The following CDH18 variants were observed in gnomAD, a reference collection of about 807,000 sequenced individuals.
The protein encoded by CDH18 is cadherin 18.
A neutral mutation model predicts 67.9 loss-of-function variants in CDH18; 31 were observed. The ratio of observed to expected loss-of-function variants is 0.46; its 90% confidence interval spans 0.34 to 0.62. The LOEUF (loss-of-function observed/expected upper bound fraction) is 0.62. Among genes scored for constraint, CDH18 ranks in the 20% least tolerant of loss-of-function variants. The pLI, the probability that CDH18 is intolerant of heterozygous loss-of-function variation, is 0.01. For synonymous variants in CDH18, 362 were observed against 347.2 expected, an observed-to-expected ratio of 1.04 and a Z score of -0.48; for missense variants, 890 against 975.5, an observed-to-expected ratio of 0.91 and a Z score of 1.17.
At chr5:19,909,537 G>GATCC (rs1790903285) in intron 2 of CDH18, among the ~76,000 whole-genome samples, 1 of 151,920 alleles carries the variant, frequency 6.6e-6, no homozygotes, top group Non-Finnish European at 1.5e-5. Context: ...GACCTCAGGT[G>GATCC]ATCCACCCTT....
chr5:19,792,324 G>C (rs1293930450), intron 3 of CDH18, among the ~76,000 whole-genome samples: 6 of 152,130 alleles, frequency 3.9e-5, no homozygotes, highest in Admixed American at 3.9e-4. Context: ...GCTCCTGGTT[G>C]TTGAGCCTTC....
chr5:20,260,175 C>T lies in CDH18; in HGVS notation c.-579-4670G>A, dbSNP rs374553957. ...TCCAACATTTCAGAAGTGTAAGGTA[C>T]TAGTTATTGCTGTCCCCAACACTTC... On this transcript the variant is annotated intron_variant, in intron 1 of 14. Transcript: ENST00000507958. Among the ~76,000 whole-genome samples, 4 of 151,488 alleles carry T rather than the reference C, an allele frequency of 2.6e-5. No homozygotes were observed. In the East Asian group the frequency reaches 6.1e-4, roughly 23 times the overall value.
At chr5:20,373,393 C>T (rs540158939) in intron 1 of CDH18, among the ~76,000 whole-genome samples, 133 of 152,224 alleles carry the variant, frequency 8.7e-4, no homozygotes, top group African/African-American at 3.0e-3. Context: ...AATTCCCAGA[C>T]CCCAGCTCTC....
At chr5:19,541,988 T>C (rs906465806) in intron 9 of CDH18, among the ~76,000 whole-genome samples, 2 of 152,206 alleles carry the variant, frequency 1.3e-5, no homozygotes, top group South Asian at 2.1e-4. Flanking sequence ...ATTTTGAAGA[T>C]GAAAATAACC....
chr5:19,771,118 G>A (rs1773678483), intron 3 of CDH18, among the ~76,000 whole-genome samples: 1 of 152,170 alleles, frequency 6.6e-6, no homozygotes, highest in Admixed American at 6.5e-5. Context: ...ATGAATCACT[G>A]AGGTGTCAGA....
At position 19,983,469 on chromosome 5, in the gene CDH18, T is replaced by G. The variant is rs552675658; in HGVS notation, c.-375-2291A>C. Among the ~76,000 whole-genome samples, 3 of 152,296 alleles carry G rather than the reference T, an allele frequency of 2.0e-5. No homozygotes were observed. In the East Asian group the frequency reaches 5.8e-4, roughly 29 times the overall value. ...TTCATCTATCATATTCCATGTGTTT[T>G]GAGTAAAATCTTGAATAAGACATAG... On this transcript the variant is annotated intron_variant, in intron 1 of 12. Coordinates refer to ENST00000382275, the MANE Select transcript of CDH18 (RefSeq NM_004934.5).
At chr5:20,391,956 A>C (rs1268914675) in intron 1 of CDH18, among the ~76,000 whole-genome samples, 2 of 151,990 alleles carry the variant, frequency 1.3e-5, no homozygotes, top group Non-Finnish European at 2.9e-5. Flanking sequence ...ATAAACAGCC[A>C]AAATATACTT....
At chr5:20,414,910 C>G (rs1747158826) in intron 1 of CDH18, among the ~76,000 whole-genome samples, 1 of 152,072 alleles carries the variant, frequency 6.6e-6, no homozygotes, top group Admixed American at 6.6e-5. Flanking sequence ...GGTGTAGCCA[C>G]AATGGAAAAC....
intron 2 of CDH18, among the ~76,000 whole-genome samples, chr5:20,056,684 T>TTTTC (rs1742009576): frequency 7.6e-6 from 1 of 131,234 alleles, no homozygotes; most frequent in Non-Finnish European, 1.6e-5. Context: ...TATTCTCTTT[T>TTTTC]TTTTTTTTTT....
intron 6 of CDH18, among the ~76,000 whole-genome samples, chr5:19,608,283 G>A (rs1316792122): frequency 2.0e-5 from 3 of 151,606 alleles, no homozygotes; most frequent in South Asian, 2.1e-4. Flanking sequence ...CAAAATATAT[G>A]CCTACAACTA....
In CDH18 at chr5:19,525,484, G is replaced by A. The variant is rs147272195; in HGVS notation, c.1391-4706C>T. On this transcript the variant is annotated intron_variant, in intron 9 of 12. Transcript: ENST00000382275. ...TTTAATCTTACCTTATTGAGCATGTGACTCATGATACTGCCTGCCCTGTCA... is the reference window on the plus strand; with the variant it reads ...TTTAATCTTACCTTATTGAGCATGTAACTCATGATACTGCCTGCCCTGTCA... Among the ~76,000 whole-genome samples the A allele has an allele frequency of 3.5e-3, 531 of 152,298 alleles. 12 individuals are homozygous for A. The highest frequency in any genetic ancestry group is 5.6e-4 in the Non-Finnish European group (38 of 68,026).
chr5:19,545,258 A>G (rs1736112288), intron 8 of CDH18, among the ~76,000 whole-genome samples: 3 of 152,174 alleles, frequency 2.0e-5, no homozygotes, highest in Admixed American at 2.0e-4. Context: ...AACAGAGAAA[A>G]CCAAGATGCA....
At chr5:20,311,435 G>T (rs1736981124) in intron 1 of CDH18, among the ~76,000 whole-genome samples, 1 of 152,134 alleles carries the variant, frequency 6.6e-6, no homozygotes, top group Non-Finnish European at 1.5e-5. Flanking sequence ...AGAAAATGTG[G>T]CACATATACA....
chr5:19,565,864 T>G (rs1740291933), intron 8 of CDH18, among the ~76,000 whole-genome samples: 1 of 152,052 alleles, frequency 6.6e-6, no homozygotes, highest in South Asian at 2.1e-4. Context: ...AAAAAATAGA[T>G]AAATGGGATC....
At chr5:20,122,830 A>G (rs532842041) in intron 2 of CDH18, among the ~76,000 whole-genome samples, 1 of 147,602 alleles carries the variant, frequency 6.8e-6, no homozygotes, top group Non-Finnish European at 1.5e-5. Flanking sequence ...ATATATATAC[A>G]TATATATATA....
intron 2 of CDH18, among the ~76,000 whole-genome samples, chr5:19,863,776 C>A (rs564122563): frequency 6.6e-6 from 1 of 152,182 alleles, no homozygotes; most frequent in Non-Finnish European, 1.5e-5. Context: ...CAGCCACCAA[C>A]CCAGGCAAGA....
intron 1 of CDH18, among the ~76,000 whole-genome samples, chr5:20,299,418 A>G (rs899791205): frequency 1.2e-3 from 161 of 136,582 alleles, no homozygotes; most frequent in Non-Finnish European, 1.4e-3. Context: ...ACACACACAC[A>G]CACACACACA....
At chr5:19,584,385 C>T (rs923570689) in intron 7 of CDH18, among the ~76,000 whole-genome samples, 1 of 152,052 alleles carries the variant, frequency 6.6e-6, no homozygotes, top group Admixed American at 6.6e-5. Flanking sequence ...GCTGTTCTGC[C>T]CAGCTGGCTA....
At chr5:20,411,805 A>G (rs2150144524) in intron 1 of CDH18, among the ~76,000 whole-genome samples, 1 of 150,420 alleles carries the variant, frequency 6.6e-6, no homozygotes, top group East Asian at 1.9e-4. Context: ...ACAAAAAAAT[A>G]CCTAGGAATA....
Sources: gnomAD v4.1 joint callset for allele counts (sites outside exome capture counted in the v4.1 genomes callset) on GRCh38, gnomAD v4.1.1 for gene constraint, MANE v1.5 for transcripts, NCBI Gene and HGNC (gene_info 2026-07-23, HGNC 2026-07-21) for gene names.